CMKLR1: variants seen among roughly 807,000 people sequenced by gnomAD.
CMKLR1 encodes the protein chemerin chemokine-like receptor 1.
Under a neutral mutation model 8.2 loss-of-function variants are expected in CMKLR1, and 6 were observed. The ratio of observed to expected loss-of-function variants is 0.73; its 90% CI spans 0.40 to 1.44. The LOEUF (loss-of-function observed/expected upper bound fraction) is 1.44. CMKLR1 is among the 40% of genes most tolerant of loss of function. The pLI is 0.02. For missense variants in CMKLR1, 429 were observed against 478.0 expected (o/e 0.90, Z 0.96); for synonymous variants, 178 against 181.2 (o/e 0.98, Z 0.14).
At chr12:108,293,792 G>A (rs1273800676) in intron 2 of CMKLR1, 128 bp from the exon 3 acceptor site, 11 of 617,266 alleles carry the variant, frequency 1.8e-5, no homozygotes, top group African/African-American at 1.8e-5. Flanking sequence ...GGAAGCAGAA[G>A]TTCAGAAAGG....
chr12:108,327,073 G>A (rs1178164655), intron 2 of CMKLR1, among the ~76,000 whole-genome samples: 1 of 152,146 alleles, frequency 6.6e-6, no homozygotes, highest in Non-Finnish European at 1.5e-5. Flanking sequence ...TTGAACTCAG[G>A]TCTAACTCCA....
At chr12:108,308,968 A>C (rs2137314020) in intron 2 of CMKLR1, among the ~76,000 whole-genome samples, 1 of 152,296 alleles carries the variant, frequency 6.6e-6, no homozygotes, top group Middle Eastern at 3.4e-3. Flanking sequence ...AAACAAATAC[A>C]TAATAAGGAA....
intron 2 of CMKLR1, among the ~76,000 whole-genome samples, chr12:108,309,590 A>G (rs1161502449): frequency 1.3e-5 from 2 of 152,054 alleles, no homozygotes; most frequent in African/African-American, 2.4e-5. Context: ...CTCCTTGCCA[A>G]ATGCTGTGGG....
chr12:108,320,120 G>A (rs181485041), intron 2 of CMKLR1, among the ~76,000 whole-genome samples: 149 of 152,214 alleles, frequency 9.8e-4, no homozygotes, highest in African/African-American at 3.5e-3. Context: ...AGCAGGAGTT[G>A]GCCAGTGGGC....
intron 2 of CMKLR1, among the ~76,000 whole-genome samples, chr12:108,314,050 C>T (rs1891655502): frequency 6.6e-6 from 1 of 152,142 alleles, no homozygotes; most frequent in Admixed American, 6.5e-5. Flanking sequence ...GGGAGGGGTG[C>T]CACAATATGG....
At chr12:108,299,454 T>A (rs1355779555) in intron 2 of CMKLR1, among the ~76,000 whole-genome samples, 1 of 152,124 alleles carries the variant, frequency 6.6e-6, no homozygotes, top group Non-Finnish European at 1.5e-5. Context: ...CTAGGAAGCA[T>A]CCCCTCTCCT....
chr12:108,292,228 G>T lies in CMKLR1; in HGVS notation c.735C>A (p.Cys245Ter). The change falls in exon 4 of 4, where the codon TGC becomes TGA. Residue 245 changes from cysteine (C) to a stop codon, truncating the protein, a stop_gained. Transcript: ENST00000550402. LOFTEE classifies it high-confidence loss of function. ...IITACYLTIV[C>*]KLQRNRLAKT... ...TGGCCAGGCGGTTGCGCTGCAGTTT[G>T]CACACGATGGTGAGGTAGCAAGCTG... The T allele has an allele frequency of 6.2e-7, 1 of 1,614,096 alleles. No individual in the cohort carries two copies. Among genetic ancestry groups the T allele is most frequent in the Non-Finnish European group, 8.5e-7 (1 of 1,179,976 alleles).
In CMKLR1 at chr12:108,319,256, G is replaced by C. The variant is rs188819608; in HGVS notation, c.-74+10739C>G. On this transcript the variant is annotated intron_variant, in intron 2 of 3. Transcript: ENST00000550402. ...GAGAACCATCCCTGTCAACCCTCAG[G>C]GTCCTTTCCATCCCTTACTTTGCCC... Among the ~76,000 whole-genome samples, 19 of 152,224 alleles carry C rather than the reference G, an allele frequency of 1.2e-4. 1 individual carries two copies. The East Asian group carries it at 3.7e-3, about 29-fold the overall frequency.
chr12:108,318,956 C>A (rs1401690483), intron 2 of CMKLR1, among the ~76,000 whole-genome samples: 2 of 152,214 alleles, frequency 1.3e-5, no homozygotes, highest in Non-Finnish European at 1.5e-5. Flanking sequence ...AATTTTCCAC[C>A]CATGCCTTAT....
rs76432676 is a variant in CMKLR1 at position 108,313,824 on chromosome 12, T to A, written c.-74+16171A>T. 8.0e-3 allele frequency among the ~76,000 whole-genome samples: 1,214 copies of A among 152,316 alleles called. 21 individuals are homozygous for A. Among genetic ancestry groups the A allele is most frequent in the African/African-American group, 0.027 (1,114 of 41,548 alleles). On this transcript the variant is annotated intron_variant, in intron 2 of 3. Transcript: ENST00000550402. ...AAGACTTGTCAAGTCATTGGAAAGCTCTTCCTTTTTTTCACTACACTGACC... is the reference window on the plus strand; with the variant it reads ...AAGACTTGTCAAGTCATTGGAAAGCACTTCCTTTTTTTCACTACACTGACC...
Position 108,288,096 on chromosome 12 carries a change from T to A in CMKLR1, c.*3745A>T, listed in dbSNP as rs974759614. The A allele has an allele frequency of 2.0e-5, 3 of 152,118 alleles. No homozygotes were observed. The highest frequency in any genetic ancestry group is 1.3e-4 in the Admixed American group (2 of 15,286). The allele number at this position is 152,118 out of a possible 1,614,324, so 9.4% of individuals were successfully genotyped here. A position where few individuals can be genotyped will look rare whatever the true frequency, so the allele number is the denominator to read the frequency against. ...AAACTTTGTCCTCAAAGGGAAGAAGTAAGAAGACCCCCTGCTGAATTATTT... is the reference window on the plus strand; with the variant it reads ...AAACTTTGTCCTCAAAGGGAAGAAGAAAGAAGACCCCCTGCTGAATTATTT... On this transcript the variant is annotated 3_prime_UTR_variant, in exon 4 of 4. Coordinates refer to ENST00000550402, the MANE Select transcript of CMKLR1 (RefSeq NM_001142343.2).
At chr12:108,305,600 C>T (rs935777517) in intron 2 of CMKLR1, among the ~76,000 whole-genome samples, 1 of 152,214 alleles carries the variant, frequency 6.6e-6, no homozygotes, top group African/African-American at 2.4e-5. Context: ...CCAGAGACAC[C>T]TCCAGATCCC....
At chr12:108,299,753 G>A (rs545758466) in intron 2 of CMKLR1, among the ~76,000 whole-genome samples, 1 of 152,294 alleles carries the variant, frequency 6.6e-6, no homozygotes, top group South Asian at 2.1e-4. Context: ...AACATCTGGA[G>A]CCACCAGAAG....
chr12:108,292,679 T>G lies in CMKLR1; in HGVS notation c.284A>C (p.His95Pro). The G allele has an allele frequency of 6.2e-7, 1 of 1,614,140 alleles. No individual in the cohort carries two copies. Among genetic ancestry groups the G allele is most frequent in the Non-Finnish European group, 8.5e-7 (1 of 1,180,022 alleles). Residue 95 changes from histidine to proline, a missense_variant, in exon 4 of 4, where the codon CAT (histidine) becomes CCT (proline). By Grantham distance (77) the His-to-Pro change is moderately conservative. Transcript: ENST00000550402. The part of the protein sequence containing the change: ...DFLFNVFLPI[H>P]ITYAAMDYHW... ...GTAGTCCATGGCGGCATAGGTGATA[T>G]GGATTGGGAGGAAGACGTTGAACAG...
rs141379700 is a variant in CMKLR1, at chr12:108,308,786, C to T, written c.-73-15122G>A. ...AGGCCAAAGATTCTTCCTTCCAGTC[C>T]TCTAATCCTCCTGTTTCCCTTCCTC... On this transcript the variant is annotated intron_variant, in intron 2 of 3. Transcript: ENST00000550402. 3.9e-4 allele frequency among the ~76,000 whole-genome samples: 59 copies of T among 152,288 alleles called. No homozygotes were observed. The East Asian group carries it at 0.011, about 28-fold the overall frequency.
intron 1 of CMKLR1, among the ~76,000 whole-genome samples, chr12:108,333,265 T>C (rs1047211084): frequency 6.6e-6 from 1 of 151,142 alleles, no homozygotes; most frequent in Non-Finnish European, 1.5e-5. Context: ...ATTCTGACAT[T>C]CTGCCTGGAT....
At chr12:108,299,956 C>T (rs1366564818) in intron 2 of CMKLR1, among the ~76,000 whole-genome samples, 1 of 152,240 alleles carries the variant, frequency 6.6e-6, no homozygotes, top group Non-Finnish European at 1.5e-5. Context: ...GCGTCCTGCT[C>T]ACCCATGTGG....
rs372559550 is a variant in CMKLR1, at chr12:108,293,605, G to C, written c.-14C>G. On this transcript the variant is annotated 5_prime_UTR_variant, in exon 3 of 4. Coordinates refer to ENST00000550402, the MANE Select transcript of CMKLR1 (RefSeq NM_001142343.2). Reference sequence around the variant, plus strand: ...CTTCCTCACCATTCACCGTTATGTTGTCTGCAGCTCTCCAATGTGAGTCCT... The same window carrying C: ...CTTCCTCACCATTCACCGTTATGTTCTCTGCAGCTCTCCAATGTGAGTCCT... 34 of 1,543,844 alleles carry C rather than the reference G, an allele frequency of 2.2e-5. No individual in the cohort carries two copies. The highest frequency in any genetic ancestry group is 2.8e-5 in the Non-Finnish European group (32 of 1,145,428).
intron 2 of CMKLR1, among the ~76,000 whole-genome samples, chr12:108,314,685 T>C (rs1891670853): frequency 6.6e-6 from 1 of 152,228 alleles, no homozygotes; most frequent in African/African-American, 2.4e-5. Context: ...TTTTCAGAAC[T>C]GAAGCTTTGG....
Sources: gnomAD v4.1 joint callset for allele counts (sites outside exome capture counted in the v4.1 genomes callset) on GRCh38, gnomAD v4.1.1 for gene constraint, MANE v1.5 for transcripts, NCBI Gene and HGNC (gene_info 2026-07-23, HGNC 2026-07-21) for gene names.